Variants in TGFBR1 observed in about 807,000 individuals in gnomAD.
The protein encoded by TGFBR1 is transforming growth factor beta receptor 1.
Under a neutral mutation model 55.1 loss-of-function variants are expected in TGFBR1, and 20 were observed. That is an observed-to-expected ratio of 0.36 (90% CI 0.26 to 0.53). The LOEUF (loss-of-function observed/expected upper bound fraction) is 0.53, where lower values mean the gene tolerates loss of function less well. Ranked by LOEUF, TGFBR1 falls within the 20% of genes least tolerant of loss-of-function variation. The probability of loss-of-function intolerance (pLI) is 0.91; values close to 1 mark genes in which losing one functional copy is unlikely to be tolerated. For synonymous variants in TGFBR1, 220 were observed against 214.8 expected (o/e 1.02, Z -0.21); for missense variants, 385 against 617.6 (o/e 0.62, Z 3.99).
intron 1 of TGFBR1, among the ~76,000 whole-genome samples, chr9:99,114,187 A>T (rs530006073): frequency 1.3e-5 from 2 of 152,346 alleles, no homozygotes; most frequent in South Asian, 4.1e-4. Flanking sequence ...AGCTTGAAAT[A>T]ATAGCAAATT....
rs769871453 is a variant in TGFBR1 at position 99,137,917 on chromosome 9, T to A, written c.633T>A (p.Ile211=). ...IARTIVLQES[I]GKGRFGEVWR... is the part of the protein sequence containing the mutation. ...GAACTATTGTGTTACAAGAAAGCATTGGCAAAGGTCGATTTGGAGAAGTTT... is the reference window on the plus strand; with the variant it reads ...GAACTATTGTGTTACAAGAAAGCATAGGCAAAGGTCGATTTGGAGAAGTTT... Residue 211 remains isoleucine, a synonymous_variant, in exon 4 of 9, where the codon ATT becomes ATA. Transcript: ENST00000374994. The A allele has an allele frequency of 6.2e-7, 1 of 1,614,072 alleles. No individual in the cohort carries two copies. Among genetic ancestry groups the A allele is most frequent in the Non-Finnish European group, 8.5e-7 (1 of 1,179,972 alleles).
At chr9:99,131,968 CAA>C (rs796838252) in intron 2 of TGFBR1, among the ~76,000 whole-genome samples, 2 of 106,456 alleles carry the variant, frequency 1.9e-5, no homozygotes, top group Non-Finnish European at 2.0e-5. Flanking sequence ...AAATCCATCT[CAA>C]AAAAAAAAAA....
chr9:99,130,572 AATAG>A (rs1462590745), intron 2 of TGFBR1, among the ~76,000 whole-genome samples: 1 of 152,252 alleles, frequency 6.6e-6, no homozygotes, highest in Non-Finnish European at 1.5e-5. Context: ...GAAATATCTG[AATAG>A]ATATTTACAA....
Position 99,149,495 on chromosome 9 carries a change from T to C in TGFBR1, c.*190T>C. The C allele has an allele frequency of 1.5e-6, 1 of 658,694 alleles. No homozygotes were observed. Among genetic ancestry groups the C allele is most frequent in the East Asian group, 2.9e-5 (1 of 34,774 alleles). 40.8% of individuals were successfully genotyped at this position (658,694 alleles called of 1,614,324 possible). Reference sequence around the variant, plus strand: ...CCAGGAAACAGCCATGTGGGTCCTTTCTGTGCACTATGAACGCTTCTTTCC... The same window carrying C: ...CCAGGAAACAGCCATGTGGGTCCTTCCTGTGCACTATGAACGCTTCTTTCC... On this transcript the variant is annotated 3_prime_UTR_variant, in exon 9 of 9. Coordinates refer to ENST00000374994, the MANE Select transcript of TGFBR1 (RefSeq NM_004612.4).
chr9:99,128,508 A>C, intron 1 of TGFBR1: 1 of 345,946 alleles, frequency 2.9e-6, no homozygotes, highest in Non-Finnish European at 5.5e-6. Flanking sequence ...AAGTATAACC[A>C]TTACAAATTT....
chr9:99,136,697 A>T (rs1827448634), intron 3 of TGFBR1, among the ~76,000 whole-genome samples: 1 of 152,142 alleles, frequency 6.6e-6, no homozygotes, highest in Non-Finnish European at 1.5e-5. Flanking sequence ...CCGTTTGAGA[A>T]ACTTAAGAAG....
At chr9:99,142,466 G>A in intron 4 of TGFBR1, 70 bp from the exon 5 acceptor site, 1 of 1,566,290 alleles carries the variant, frequency 6.4e-7, no homozygotes, top group South Asian at 1.1e-5. Flanking sequence ...AGAGTAAAAA[G>A]TAATAACCAT....
intron 1 of TGFBR1, among the ~76,000 whole-genome samples, chr9:99,119,621 A>G (rs778848798): frequency 3.9e-5 from 6 of 152,232 alleles, no homozygotes; most frequent in Non-Finnish European, 7.3e-5. Flanking sequence ...TATTCCTTCC[A>G]GCATGAACAT....
intron 1 of TGFBR1, among the ~76,000 whole-genome samples, chr9:99,113,397 C>A (rs1826641182): frequency 1.3e-5 from 2 of 152,182 alleles, no homozygotes. Flanking sequence ...GCAGTTGTAT[C>A]CCTAGACCAT....
chr9:99,112,487 A>G (rs1826616284), intron 1 of TGFBR1, among the ~76,000 whole-genome samples: 1 of 152,220 alleles, frequency 6.6e-6, no homozygotes. Context: ...TATCATATGT[A>G]CTTATTTACT....
chr9:99,137,147 T>C (rs1827461900), intron 3 of TGFBR1, among the ~76,000 whole-genome samples: 1 of 152,218 alleles, frequency 6.6e-6, no homozygotes, highest in South Asian at 2.1e-4. Context: ...AGCCTTGTTC[T>C]TCAAGATACT....
At chr9:99,104,918 C>G (rs1303577884), upstream of TGFBR1, among the ~76,000 whole-genome samples, 5 of 151,710 alleles carry the variant, frequency 3.3e-5, no homozygotes, top group Admixed American at 2.0e-4. Flanking sequence ...GCCCAGCCCC[C>G]GGGGAGCGTG....
Position 99,110,107 on chromosome 9 carries a change from A to G in TGFBR1, c.97+4805A>G, listed in dbSNP as rs546900049. On this transcript the variant is annotated intron_variant, in intron 1 of 8. Transcript: ENST00000374994. ...AAGAAAATTGGTTGGTAGACTTGTAATTATTCATCTCAGACATCACTTTCT... is the reference window on the plus strand; with the variant it reads ...AAGAAAATTGGTTGGTAGACTTGTAGTTATTCATCTCAGACATCACTTTCT... Among the ~76,000 whole-genome samples, 4 of 152,246 alleles carry G rather than the reference A, an allele frequency of 2.6e-5. No individual in the cohort carries two copies. In the South Asian group the frequency reaches 8.3e-4, roughly 32 times the overall value.
intron 1 of TGFBR1, among the ~76,000 whole-genome samples, chr9:99,110,373 G>A (rs1588559691): frequency 6.6e-6 from 1 of 151,722 alleles, no homozygotes; most frequent in Non-Finnish European, 1.5e-5. Flanking sequence ...TTTGACCATG[G>A]CTAATACGGC....
chr9:99,126,257 A>G (rs888563280), intron 1 of TGFBR1, among the ~76,000 whole-genome samples: 1 of 152,166 alleles, frequency 6.6e-6, no homozygotes, highest in Non-Finnish European at 1.5e-5. Flanking sequence ...TGGAACCCCA[A>G]ACTAAAAGTC....
chr9:99,137,715 A>C, intron 3 of TGFBR1, 144 bp from the exon 4 acceptor site: 1 of 643,516 alleles, frequency 1.6e-6, no homozygotes, highest in Non-Finnish European at 2.7e-6. Flanking sequence ...TTTTATTGCA[A>C]ATATAATATC....
chr9:99,126,245 A>G (rs1320017975), intron 1 of TGFBR1, among the ~76,000 whole-genome samples: 1 of 152,180 alleles, frequency 6.6e-6, no homozygotes, highest in Non-Finnish European at 1.5e-5. Flanking sequence ...TGAGAAGTAA[A>G]TTGGAACCCC....
intron 2 of TGFBR1, among the ~76,000 whole-genome samples, chr9:99,130,238 T>C (rs952108767): frequency 3.9e-5 from 6 of 152,024 alleles, no homozygotes; most frequent in Non-Finnish European, 7.4e-5. Flanking sequence ...GACAAAGGAT[T>C]TGGGGGGTGA....
chr9:99,148,177 C>T lies in TGFBR1; in HGVS notation c.1386+393C>T, dbSNP rs11568800. Reference sequence around the variant, plus strand: ...TGACTCTGAACAAATCCCTTTAGTTCTCTGGACTTTAATATCCCTTTGCAA... The same window carrying T: ...TGACTCTGAACAAATCCCTTTAGTTTTCTGGACTTTAATATCCCTTTGCAA... On this transcript the variant is annotated intron_variant, in intron 8 of 8. Coordinates refer to ENST00000374994, the MANE Select transcript of TGFBR1 (RefSeq NM_004612.4). Among the ~76,000 whole-genome samples, 955 of 152,242 alleles carry T rather than the reference C, an allele frequency of 6.3e-3. 8 individuals carry two copies. Among genetic ancestry groups the T allele is most frequent in the African/African-American group, 0.022 (913 of 41,528 alleles).
Sources: allele counts gnomAD v4.1 joint callset (sites outside exome capture counted in the v4.1 genomes callset), GRCh38; gene constraint gnomAD v4.1.1; transcripts MANE v1.5; gene names NCBI Gene and HGNC (gene_info 2026-07-23, HGNC 2026-07-21).